PLCG2: variants seen among roughly 807,000 people sequenced by gnomAD.
The protein encoded by PLCG2 is phospholipase C gamma 2.
In PLCG2, 69 loss-of-function variants were observed where a neutral mutation model predicts 175.6. That is an observed-to-expected ratio of 0.39 (90% CI 0.32 to 0.48). The LOEUF is 0.48. Among genes scored for constraint, PLCG2 ranks in the 20% least tolerant of loss-of-function variants. PLCG2 has a pLI of 0.91. For synonymous variants in PLCG2, 827 were observed against 624.0 expected, an observed-to-expected ratio of 1.33 and a Z score of -4.85; for missense variants, 1,798 against 1,650.9, an observed-to-expected ratio of 1.09 and a Z score of -1.54.
intron 1 of PLCG2, among the ~76,000 whole-genome samples, chr16:81,753,403 AT>A (rs1909854535): frequency 1.8e-5 from 2 of 113,570 alleles, no homozygotes; most frequent in Non-Finnish European, 3.5e-5. Context: ...AAAATTTACC[AT>A]TTTGACCATT....
chr16:81,941,703 C>CA (rs568577033), intron 30 of PLCG2, among the ~76,000 whole-genome samples: 2 of 146,262 alleles, frequency 1.4e-5, no homozygotes, highest in Non-Finnish European at 3.0e-5. Flanking sequence ...TAAACTCCCC[C>CA]TTTTTTTTTT....
chr16:81,860,577 G>A (rs1906931889), intron 5 of PLCG2, among the ~76,000 whole-genome samples: 3 of 152,132 alleles, frequency 2.0e-5, no homozygotes, highest in South Asian at 2.1e-4. Context: ...AGGCAACCAA[G>A]TGTTTTTGCT....
intron 11 of PLCG2, 79 bp from the exon 12 acceptor site, chr16:81,893,630 C>G (rs1057005374): frequency 1.4e-5 from 12 of 840,306 alleles, no homozygotes; most frequent in African/African-American, 3.4e-5. Flanking sequence ...AGTTCCCCCA[C>G]AACACCCTGA....
chr16:81,946,060 C>T lies in PLCG2; in HGVS notation c.3482-115C>T, dbSNP rs1314482538. On this transcript the variant is annotated intron_variant, in intron 30 of 32. Coordinates refer to ENST00000564138, the MANE Select transcript of PLCG2 (RefSeq NM_002661.5). ...CACAAAGTCAGCCCCCAGCATGGGG[C>T]ACTGACTTCTCTACCCTTTGAACTA... 1.0e-5 allele frequency: 8 copies of T among 768,786 alleles called. No homozygotes were observed. The Admixed American group carries it at 1.5e-4, about 14-fold the overall frequency. 47.6% of individuals were successfully genotyped at this position (768,786 alleles called of 1,614,324 possible).
intron 2 of PLCG2, among the ~76,000 whole-genome samples, chr16:81,800,129 G>A (rs556182070): frequency 3.3e-5 from 5 of 152,224 alleles, no homozygotes; most frequent in African/African-American, 1.2e-4. Context: ...AGTTAATTAT[G>A]TATCATACTT....
intron 2 of PLCG2, among the ~76,000 whole-genome samples, chr16:81,794,887 C>A (rs1408787959): frequency 1.3e-5 from 2 of 152,180 alleles, no homozygotes; most frequent in African/African-American, 4.8e-5. Flanking sequence ...AGTATGTGTC[C>A]TCCACTTTGG....
intron 2 of PLCG2, among the ~76,000 whole-genome samples, chr16:81,769,935 C>G (rs1448286506): frequency 6.7e-6 from 1 of 150,190 alleles, no homozygotes. Context: ...CCTCGGTTTT[C>G]TTATCTGTAA....
chr16:81,925,989 A>C (rs1597136550), intron 22 of PLCG2, among the ~76,000 whole-genome samples: 1 of 152,110 alleles, frequency 6.6e-6, no homozygotes, highest in Non-Finnish European at 1.5e-5. Context: ...GACTGTGGGG[A>C]CAGGATGCCA....
chr16:81,740,236 A>G (rs1218793574), intron 1 of PLCG2: 2 of 152,016 alleles, frequency 1.3e-5, no homozygotes, highest in African/African-American at 4.8e-5. Flanking sequence ...CTTTTCTTCT[A>G]GTGACATTTA....
intron 23 of PLCG2, among the ~76,000 whole-genome samples, chr16:81,927,999 AG>A (rs1291036042): frequency 2.0e-5 from 3 of 146,590 alleles, no homozygotes; most frequent in African/African-American, 7.5e-5. Context: ...GGGGTGGTGC[AG>A]GCAAGGAGTG....
intron 2 of PLCG2, among the ~76,000 whole-genome samples, chr16:81,825,717 C>T (rs1229908588): frequency 6.6e-6 from 1 of 152,220 alleles, no homozygotes; most frequent in Admixed American, 6.5e-5. Context: ...GAAACACACT[C>T]CCACGTAACC....
chr16:81,945,731 A>C (rs1911124704), intron 30 of PLCG2, among the ~76,000 whole-genome samples: 1 of 152,166 alleles, frequency 6.6e-6, no homozygotes, highest in Non-Finnish European at 1.5e-5. Context: ...GGACAGAAAG[A>C]TTTCCTCCCA....
At chr16:81,827,189 G>GTT (rs1567484897) in intron 2 of PLCG2, among the ~76,000 whole-genome samples, 1 of 123,676 alleles carries the variant, frequency 8.1e-6, no homozygotes, top group East Asian at 3.0e-4. Context: ...AGGATTGCTG[G>GTT]GTTTTTTTTT....
At chr16:81,867,734 G>T (rs1193664891) in intron 5 of PLCG2, among the ~76,000 whole-genome samples, 3 of 151,354 alleles carry the variant, frequency 2.0e-5, no homozygotes, top group African/African-American at 7.3e-5. Context: ...GTCTTGCTCT[G>T]TCACCCAGGC....
At chr16:81,939,059 G>A in intron 29 of PLCG2, 144 bp downstream of exon 29, 1 of 624,734 alleles carries the variant, frequency 1.6e-6, no homozygotes, top group Admixed American at 2.7e-5. Flanking sequence ...GGTTCAGCTT[G>A]AGGAGGGGAT....
intron 14 of PLCG2, among the ~76,000 whole-genome samples, chr16:81,903,545 G>A (rs1279637203): frequency 6.6e-6 from 1 of 152,232 alleles, no homozygotes; most frequent in Non-Finnish European, 1.5e-5. Flanking sequence ...GCAGCCACCT[G>A]GCTGGGGTCA....
At chr16:81,797,924 G>C (rs577065279) in intron 2 of PLCG2, among the ~76,000 whole-genome samples, 1 of 151,606 alleles carries the variant, frequency 6.6e-6, no homozygotes, top group Admixed American at 6.6e-5. Context: ...TCTGCCTCCC[G>C]GGTTCAAGCA....
chr16:81,786,218 C>T, intron 2 of PLCG2, 36 bp downstream of exon 2: 2 of 1,564,884 alleles, frequency 1.3e-6, no homozygotes, highest in East Asian at 2.3e-5. Context: ...GTGGCCCGTC[C>T]TCTGGGGCCC....
intron 14 of PLCG2, among the ~76,000 whole-genome samples, chr16:81,903,182 C>G (rs1234843459): frequency 6.6e-6 from 1 of 152,178 alleles, no homozygotes; most frequent in Non-Finnish European, 1.5e-5. Flanking sequence ...AGGGGGATGT[C>G]CTTCCAGGTT....
Sources: allele counts gnomAD v4.1 joint callset (sites outside exome capture counted in the v4.1 genomes callset), GRCh38; gene constraint gnomAD v4.1.1; transcripts MANE v1.5; gene names NCBI Gene and HGNC (gene_info 2026-07-23, HGNC 2026-07-21).